The following CAMKMT variants were observed in gnomAD, a reference collection of about 807,000 sequenced individuals.
CAMKMT encodes CaM KMT.
A neutral mutation model predicts 48.0 loss-of-function variants in CAMKMT; 53 were observed. The observed-to-expected ratio is 1.10, with a 90% CI of 0.89 to 1.39. The LOEUF is 1.39. Ranked by LOEUF, CAMKMT falls within the 40% of genes most tolerant of loss-of-function variation. CAMKMT has a pLI of 0.00. For synonymous variants in CAMKMT, 165 were observed against 152.3 expected, an observed-to-expected ratio of 1.08 and a Z score of -0.61; for missense variants, 428 against 402.7, an observed-to-expected ratio of 1.06 and a Z score of -0.54.
intron 3 of CAMKMT, among the ~76,000 whole-genome samples, chr2:44,562,647 A>G (rs531177091): frequency 3.9e-5 from 6 of 152,240 alleles, no homozygotes; most frequent in South Asian, 4.1e-4. Flanking sequence ...TGCAACATCC[A>G]TCTCCTGGGT....
chr2:44,690,883 C>T lies in CAMKMT; in HGVS notation c.377-13400C>T, dbSNP rs368272805. Reference sequence around the variant, plus strand: ...CCCAGCTGTTCAGGAGGCTGGGGCACGAGAATCACTTGAACCCAGAAGGCA... The same window carrying T: ...CCCAGCTGTTCAGGAGGCTGGGGCATGAGAATCACTTGAACCCAGAAGGCA... On this transcript the variant is annotated intron_variant, in intron 3 of 10. Coordinates refer to ENST00000378494, the MANE Select transcript of CAMKMT (RefSeq NM_024766.5). 3.3e-5 allele frequency among the ~76,000 whole-genome samples: 5 copies of T among 151,626 alleles called. 1 individual carries two copies. The highest frequency in any genetic ancestry group is 3.9e-4 in the East Asian group (2 of 5,146).
intron 3 of CAMKMT, among the ~76,000 whole-genome samples, chr2:44,442,603 C>G (rs1374582226): frequency 1.3e-5 from 2 of 152,182 alleles, no homozygotes; most frequent in East Asian, 3.8e-4. Context: ...TTAGCTCTGT[C>G]TTCAAGGGCT....
chr2:44,384,089 C>T (rs1442848838), intron 2 of CAMKMT, among the ~76,000 whole-genome samples: 1 of 152,142 alleles, frequency 6.6e-6, no homozygotes, highest in East Asian at 1.9e-4. Context: ...TCATTCCCAC[C>T]AGCAGTGTAG....
chr2:44,425,102 A>T (rs572878932), intron 3 of CAMKMT, among the ~76,000 whole-genome samples: 1 of 152,352 alleles, frequency 6.6e-6, no homozygotes, highest in Non-Finnish European at 1.5e-5. Flanking sequence ...AAAATGTTGC[A>T]TATTTTCAAA....
chr2:44,706,155 A>T (rs1171857569), intron 4 of CAMKMT, 132 bp from the exon 5 acceptor site: 8 of 765,722 alleles, frequency 1.0e-5, no homozygotes, highest in Non-Finnish European at 1.8e-5. Flanking sequence ...GAGGTAGCCT[A>T]GTCATGTCTC....
At position 44,772,111 on chromosome 2, in the gene CAMKMT, T is replaced by C. The variant is rs777768033; in HGVS notation, c.970T>C (p.Ter324GlnextTer25). The C allele has an allele frequency of 6.2e-7, 1 of 1,612,540 alleles. No individual in the cohort carries two copies. The highest frequency in any genetic ancestry group is 1.1e-5 in the South Asian group (1 of 90,934). Residue 324 changes from the stop codon to glutamine (Q), a stop_lost, in exon 11 of 11, where the codon TAG becomes CAG. Coordinates refer to ENST00000378494, the MANE Select transcript of CAMKMT (RefSeq NM_024766.5). Reference protein sequence around the residue: ...PLLLILTKHG* With the variant: ...PLLLILTKHGQ ...TCTGCTTATTTTGACCAAACATGGATAGAAGATTAAGCTTCTCAAAGACGA... is the reference window on the plus strand; with the variant it reads ...TCTGCTTATTTTGACCAAACATGGACAGAAGATTAAGCTTCTCAAAGACGA...
At chr2:44,631,092 T>C (rs1187207870) in intron 3 of CAMKMT, among the ~76,000 whole-genome samples, 1 of 152,224 alleles carries the variant, frequency 6.6e-6, no homozygotes, top group Non-Finnish European at 1.5e-5. Context: ...TTCATGTCCT[T>C]TGTAGGAACA....
chr2:44,598,805 A>AG (rs761316498), intron 3 of CAMKMT, among the ~76,000 whole-genome samples: 1 of 150,934 alleles, frequency 6.6e-6, no homozygotes, highest in Non-Finnish European at 1.5e-5. Flanking sequence ...GAATAAATAA[A>AG]GTCATGGTTT....
At chr2:44,587,452 C>T (rs2103797721) in intron 3 of CAMKMT, among the ~76,000 whole-genome samples, 1 of 148,974 alleles carries the variant, frequency 6.7e-6, no homozygotes. Context: ...CCCCCTCCCC[C>T]TCCCCCTGTC....
intron 3 of CAMKMT, among the ~76,000 whole-genome samples, chr2:44,419,673 T>C (rs1374160734): frequency 1.3e-5 from 2 of 152,182 alleles, no homozygotes; most frequent in Non-Finnish European, 2.9e-5. Flanking sequence ...ACTTCTGGGC[T>C]CAAGTAATCT....
intron 3 of CAMKMT, among the ~76,000 whole-genome samples, chr2:44,615,652 T>C (rs1007291346): frequency 1.7e-4 from 26 of 152,112 alleles, no homozygotes; most frequent in East Asian, 1.9e-4. Context: ...TTGGGCATGA[T>C]TTGAGTTGGT....
chr2:44,366,861 A>G (rs377131858), intron 1 of CAMKMT, among the ~76,000 whole-genome samples: 74 of 152,094 alleles, frequency 4.9e-4, no homozygotes, highest in African/African-American at 1.7e-3. Flanking sequence ...AGCTGGGACT[A>G]CAGGTGCACA....
At chr2:44,388,643 A>G (rs998740673) in intron 2 of CAMKMT, among the ~76,000 whole-genome samples, 2 of 152,166 alleles carry the variant, frequency 1.3e-5, no homozygotes, top group African/African-American at 2.4e-5. Context: ...AGGCTCCGTC[A>G]GAGGGAAGGT....
At chr2:44,706,814 T>C (rs1240300039) in intron 5 of CAMKMT, among the ~76,000 whole-genome samples, 2 of 152,008 alleles carry the variant, frequency 1.3e-5, no homozygotes, top group South Asian at 4.2e-4. Flanking sequence ...ATTCTCTGGG[T>C]TCTGAGTCAT....
At chr2:44,622,209 A>G (rs1353158475) in intron 3 of CAMKMT, among the ~76,000 whole-genome samples, 1 of 152,200 alleles carries the variant, frequency 6.6e-6, no homozygotes, top group African/African-American at 2.4e-5. Flanking sequence ...TTCCTCATAA[A>G]TTGGTAAATC....
chr2:44,720,204 T>G (rs373252016), intron 7 of CAMKMT, among the ~76,000 whole-genome samples: 3 of 152,196 alleles, frequency 2.0e-5, no homozygotes, highest in African/African-American at 7.2e-5. Flanking sequence ...GACTTTAAAA[T>G]AGGAGGATGC....
chr2:44,490,019 C>A (rs1669410522), intron 3 of CAMKMT, among the ~76,000 whole-genome samples: 1 of 151,988 alleles, frequency 6.6e-6, no homozygotes, highest in Non-Finnish European at 1.5e-5. Flanking sequence ...CTCACACACA[C>A]ACACAAATAT....
chr2:44,758,104 C>T (rs917576076), intron 9 of CAMKMT, among the ~76,000 whole-genome samples: 7 of 152,306 alleles, frequency 4.6e-5, no homozygotes, highest in Middle Eastern at 6.8e-3. Context: ...GGGGAGAGTA[C>T]TCTACATTGG....
intron 3 of CAMKMT, among the ~76,000 whole-genome samples, chr2:44,434,530 G>A (rs771535971): frequency 1.3e-5 from 2 of 152,092 alleles, no homozygotes; most frequent in African/African-American, 2.4e-5. Context: ...TGCCCTAATT[G>A]TAATATTGTC....
Sources: allele counts gnomAD v4.1 joint callset (sites outside exome capture counted in the v4.1 genomes callset), GRCh38; gene constraint gnomAD v4.1.1; transcripts MANE v1.5; gene names NCBI Gene and HGNC (gene_info 2026-07-23, HGNC 2026-07-21).